Variants in LUZP2 observed in about 807,000 individuals in gnomAD.
LUZP2 encodes leucine zipper protein 2.
A neutral mutation model predicts 51.6 loss-of-function variants in LUZP2; 52 were observed. The ratio of observed to expected loss-of-function variants is 1.01; its 90% CI spans 0.81 to 1.27. LUZP2 has a LOEUF of 1.27. Ranked by LOEUF, LUZP2 falls within the 50% of genes most tolerant of loss-of-function variation. The probability of loss-of-function intolerance (pLI) is 0.00; values close to 1 mark genes in which losing one functional copy is unlikely to be tolerated. For missense variants in LUZP2, 436 were observed against 395.4 expected (o/e 1.10, Z -0.87); for synonymous variants, 154 against 137.3 (o/e 1.12, Z -0.85).
At chr11:24,739,927 C>T (rs1202797608) in intron 4 of LUZP2, among the ~76,000 whole-genome samples, 6 of 152,078 alleles carry the variant, frequency 3.9e-5, no homozygotes, top group South Asian at 2.1e-4. Context: ...AAGTCTGGCT[C>T]ACTGGATACC....
At chr11:24,882,702 C>T (rs1387065236) in intron 5 of LUZP2, among the ~76,000 whole-genome samples, 9 of 151,736 alleles carry the variant, frequency 5.9e-5, no homozygotes, top group Non-Finnish European at 1.5e-5. Context: ...GGGCTTCTTT[C>T]AGTTAGTAAT....
At chr11:24,998,579 A>G (rs1285043026) in intron 9 of LUZP2, among the ~76,000 whole-genome samples, 1 of 152,220 alleles carries the variant, frequency 6.6e-6, no homozygotes, top group Non-Finnish European at 1.5e-5. Flanking sequence ...AGAACATGAT[A>G]TTCAGGAAAA....
rs79526763 is a variant in LUZP2, at chr11:24,706,531, G to T, written c.63-22638G>T. ...GCCCTTGTTTCCATTCTCTTCCTGTGCGGCCTTCTCTCAGTTGTCTAATAT... is the reference window on the plus strand; with the variant it reads ...GCCCTTGTTTCCATTCTCTTCCTGTTCGGCCTTCTCTCAGTTGTCTAATAT... On this transcript the variant is annotated intron_variant, in intron 1 of 11. Transcript: ENST00000336930. Among the ~76,000 whole-genome samples the T allele has an allele frequency of 8.5e-5, 13 of 152,082 alleles. No individual in the cohort carries two copies. In the East Asian group the frequency reaches 2.5e-3, roughly 29 times the overall value.
intron 5 of LUZP2, among the ~76,000 whole-genome samples, chr11:24,779,025 T>C (rs188499726): frequency 6.6e-6 from 1 of 151,980 alleles, no homozygotes; most frequent in East Asian, 1.9e-4. Flanking sequence ...ATTTCAGAAA[T>C]GTGTGTGTGT....
intron 2 of LUZP2, 82 bp downstream of exon 2, chr11:24,729,368 T>C: frequency 3.0e-6 from 2 of 674,938 alleles, no homozygotes; most frequent in Non-Finnish European, 4.9e-6. Context: ...CATTTTTAAA[T>C]AGTTTTTAAT....
At chr11:24,643,739 C>A (rs11028088) in intron 1 of LUZP2, among the ~76,000 whole-genome samples, 60,343 of 151,918 alleles carry the variant, frequency 0.4, 12,187 homozygotes, top group South Asian at 0.52. Context: ...TTAATGCACA[C>A]ATTAGTCACT....
At chr11:24,806,685 C>T (rs1849864695) in intron 5 of LUZP2, among the ~76,000 whole-genome samples, 1 of 152,046 alleles carries the variant, frequency 6.6e-6, no homozygotes, top group African/African-American at 2.4e-5. Context: ...TATTTACAAT[C>T]CTGTTGATAA....
intron 5 of LUZP2, among the ~76,000 whole-genome samples, chr11:24,863,920 T>C (rs1851812119): frequency 6.6e-6 from 1 of 152,152 alleles, no homozygotes; most frequent in African/African-American, 2.4e-5. Flanking sequence ...AATATTCTTT[T>C]AAGACAATTG....
chr11:24,823,922 G>A (rs758463868), intron 5 of LUZP2, among the ~76,000 whole-genome samples: 14 of 151,996 alleles, frequency 9.2e-5, no homozygotes, highest in Non-Finnish European at 1.3e-4. Context: ...AATTAGCCAG[G>A]TGTGGTGGCA....
At chr11:24,805,552 G>T (rs1476347935) in intron 5 of LUZP2, among the ~76,000 whole-genome samples, 1 of 152,082 alleles carries the variant, frequency 6.6e-6, no homozygotes, top group Non-Finnish European at 1.5e-5. Flanking sequence ...CTACAGATTT[G>T]TTCAGCAGAA....
rs189077427 is a variant in LUZP2, at chr11:24,652,056, G to A, written c.63-77113G>A. The stretch of plus-strand genomic sequence containing the variant: ...ATATGTGTGTACACATGTTGTATAT[G>A]TGTGTACACATGTTGTATATGTGTG... On this transcript the variant is annotated intron_variant, in intron 1 of 11. Transcript: ENST00000336930. Among the ~76,000 whole-genome samples the A allele has an allele frequency of 7.2e-5, 11 of 151,990 alleles. No individual in the cohort carries two copies. In the South Asian group the frequency reaches 1.5e-3, roughly 20 times the overall value.
Position 25,077,355 on chromosome 11 carries a change from C to T in LUZP2, c.885C>T (p.His295=). Residue 295 remains histidine (H), a synonymous_variant, in exon 11 of 12, where the codon CAC becomes CAT. Transcript: ENST00000336930. Reference sequence around the variant, plus strand: ...AGGGCAGACCGTGTTCCATGAAGCACAAAGAAAGTCCCCCAAGTAATGCCA... The same window carrying T: ...AGGGCAGACCGTGTTCCATGAAGCATAAAGAAAGTCCCCCAAGTAATGCCA... ...QDEGRPCSMK[H]KESPPSNATA... 2 of 1,612,880 alleles carry T rather than the reference C, an allele frequency of 1.2e-6. No individual in the cohort carries two copies. Among genetic ancestry groups the T allele is most frequent in the Non-Finnish European group, 1.7e-6 (2 of 1,179,204 alleles).
In LUZP2 at chr11:24,896,585, C is replaced by A. The variant is rs532179121; in HGVS notation, c.397-9406C>A. Among the ~76,000 whole-genome samples the A allele has an allele frequency of 1.2e-4, 18 of 152,164 alleles. 1 individual carries two copies. The highest frequency in any genetic ancestry group is 9.8e-4 in the Admixed American group (15 of 15,294). The stretch of plus-strand genomic sequence containing the variant: ...CCCCAGCCTCCTCACCCCGCCTCCC[C>A]CCATGGGATACCGCATGGCCCCAGC... On this transcript the variant is annotated intron_variant, in intron 5 of 11. Coordinates refer to ENST00000336930, the MANE Select transcript of LUZP2 (RefSeq NM_001009909.4).
intron 9 of LUZP2, among the ~76,000 whole-genome samples, chr11:24,984,864 G>T (rs1016112521): frequency 1.3e-5 from 2 of 151,076 alleles, no homozygotes; most frequent in Admixed American, 1.3e-4. Flanking sequence ...TGCTTGCTTT[G>T]ACAGCTGAGT....
chr11:24,824,731 A>T (rs1850474712), intron 5 of LUZP2, among the ~76,000 whole-genome samples: 1 of 152,110 alleles, frequency 6.6e-6, no homozygotes, highest in Admixed American at 6.6e-5. Flanking sequence ...TCTGTTTCTT[A>T]GAAATTAAAA....
chr11:25,061,829 A>G (rs1024119315), intron 10 of LUZP2, among the ~76,000 whole-genome samples: 1 of 152,186 alleles, frequency 6.6e-6, no homozygotes, highest in Non-Finnish European at 1.5e-5. Context: ...TTAATTATAC[A>G]TGCATAAAGA....
intron 1 of LUZP2, among the ~76,000 whole-genome samples, chr11:24,721,219 A>G (rs964945246): frequency 6.6e-6 from 1 of 152,230 alleles, no homozygotes; most frequent in Non-Finnish European, 1.5e-5. Context: ...GGGAGAAAGG[A>G]ATTGTTAGCA....
At chr11:24,805,469 T>C (rs1486692) in intron 5 of LUZP2, among the ~76,000 whole-genome samples, 149,433 of 152,218 alleles carry the variant, frequency 0.98, 73,410 homozygotes, top group Non-Finnish European at 1. Context: ...CCTGCCTCAG[T>C]CATTGCGCCT....
chr11:24,996,572 TTTTTATTTTA>T (rs67696322), intron 9 of LUZP2, among the ~76,000 whole-genome samples: 6,797 of 132,520 alleles, frequency 0.051, 213 homozygotes, highest in African/African-American at 0.074. Context: ...CTTTTTTCTT[TTTTTATTTTA>T]TTTTATTTTA....
Sources: gnomAD v4.1 joint callset for allele counts (sites outside exome capture counted in the v4.1 genomes callset) on GRCh38, gnomAD v4.1.1 for gene constraint, MANE v1.5 for transcripts, NCBI Gene and HGNC (gene_info 2026-07-23, HGNC 2026-07-21) for gene names.